RIMS2: variants seen among roughly 807,000 people sequenced by gnomAD.
The protein encoded by RIMS2 is regulating synaptic membrane exocytosis 2, also known as regulating synaptic membrane exocytosis protein 2.
A neutral mutation model predicts 174.4 loss-of-function variants in RIMS2; 59 were observed. The ratio of observed to expected loss-of-function variants is 0.34; its 90% confidence interval spans 0.27 to 0.42. The LOEUF is 0.42. Among genes scored for constraint, RIMS2 ranks in the 10% least tolerant of loss-of-function variants. The pLI, the probability that RIMS2 is intolerant of heterozygous loss-of-function variation, is 1.00. For missense variants in RIMS2, 1,620 were observed against 1,666.3 expected, an observed-to-expected ratio of 0.97 and a Z score of 0.48; for synonymous variants, 606 against 572.5, an observed-to-expected ratio of 1.06 and a Z score of -0.84.
intron 3 of RIMS2, among the ~76,000 whole-genome samples, chr8:103,792,249 G>C (rs200268395): frequency 6.6e-6 from 1 of 152,040 alleles, no homozygotes; most frequent in South Asian, 2.1e-4. Flanking sequence ...ATCAAATTAG[G>C]ACTCAGGATT....
intron 19 of RIMS2, among the ~76,000 whole-genome samples, chr8:104,102,431 A>T (rs2097920250): frequency 6.6e-6 from 1 of 152,132 alleles, no homozygotes; most frequent in South Asian, 2.1e-4. Context: ...AAATATGTTT[A>T]TTTCTCCATA....
chr8:103,812,482 A>G (rs766416780), intron 3 of RIMS2, among the ~76,000 whole-genome samples: 50 of 152,008 alleles, frequency 3.3e-4, no homozygotes, highest in Non-Finnish European at 6.9e-4. Flanking sequence ...CTTGGGTTCA[A>G]GCGATTCTCC....
intron 19 of RIMS2, among the ~76,000 whole-genome samples, chr8:104,040,270 G>A (rs538061511): frequency 1.3e-5 from 2 of 151,740 alleles, no homozygotes; most frequent in Admixed American, 6.6e-5. Context: ...TGTGGTGTTT[G>A]ATTTTAGAAT....
intron 12 of RIMS2, among the ~76,000 whole-genome samples, chr8:103,932,165 G>A (rs532783308): frequency 6.6e-6 from 1 of 152,130 alleles, no homozygotes; most frequent in Non-Finnish European, 1.5e-5. Flanking sequence ...TGCCTCCCAC[G>A]GCAGAGTGCT....
At chr8:103,902,185 G>C (rs1415652320) in intron 4 of RIMS2, among the ~76,000 whole-genome samples, 2 of 152,136 alleles carry the variant, frequency 1.3e-5, no homozygotes, top group African/African-American at 4.8e-5. Flanking sequence ...AAGGCTGTTA[G>C]TAGTTCCTAG....
chr8:104,167,481 G>C (rs2098804796), intron 19 of RIMS2, among the ~76,000 whole-genome samples: 1 of 151,880 alleles, frequency 6.6e-6, no homozygotes, highest in Non-Finnish European at 1.5e-5. Flanking sequence ...ATCCTTTTTT[G>C]ATAATTGTCT....
chr8:103,768,859 C>T (rs1327764787), intron 3 of RIMS2: 3 of 558,814 alleles, frequency 5.4e-6, no homozygotes, highest in South Asian at 1.8e-5. Context: ...CCATATTGCT[C>T]TGGAGAAGCA....
At chr8:103,611,197 T>C (rs2134194552) in intron 1 of RIMS2, among the ~76,000 whole-genome samples, 1 of 152,290 alleles carries the variant, frequency 6.6e-6, no homozygotes, top group East Asian at 1.9e-4. Context: ...TTACCCTTTG[T>C]CATTTCTAAT....
chr8:104,201,722 G>A (rs1056967466), intron 19 of RIMS2, among the ~76,000 whole-genome samples: 10 of 152,066 alleles, frequency 6.6e-5, no homozygotes, highest in East Asian at 1.9e-4. Flanking sequence ...AAATGGGTTC[G>A]GGGCATCTAT....
intron 19 of RIMS2, among the ~76,000 whole-genome samples, chr8:104,165,386 T>G (rs935649419): frequency 1.3e-5 from 2 of 152,208 alleles, no homozygotes; most frequent in African/African-American, 2.4e-5. Flanking sequence ...TTATTATTCC[T>G]TAGACCTACT....
At position 104,017,777 on chromosome 8, in the gene RIMS2, A is replaced by G. The variant is rs75406994; in HGVS notation, c.3334+3162A>G. 1.0e-3 allele frequency among the ~76,000 whole-genome samples: 157 copies of G among 152,282 alleles called. 2 individuals carry two copies. The East Asian group carries it at 0.028, about 27-fold the overall frequency. On this transcript the variant is annotated intron_variant, in intron 19 of 23. Transcript: ENST00000504942. Reference sequence around the variant, plus strand: ...GCATGTCAGAAACGTATCAAAAATAACCTATTGGGCCAGTTGCAGTGGCCC... The same window carrying G: ...GCATGTCAGAAACGTATCAAAAATAGCCTATTGGGCCAGTTGCAGTGGCCC...
intron 5 of RIMS2, among the ~76,000 whole-genome samples, chr8:103,910,742 G>A (rs1274155805): frequency 1.3e-5 from 2 of 151,934 alleles, no homozygotes; most frequent in African/African-American, 2.4e-5. Flanking sequence ...ATTGTTTGAC[G>A]GCATACCAAA....
At chr8:103,912,320 C>T (rs922199609) in intron 6 of RIMS2, 148 bp downstream of exon 9, 2 of 468,154 alleles carry the variant, frequency 4.3e-6, no homozygotes, top group Non-Finnish European at 7.3e-6. Context: ...TTATCTAAAA[C>T]ATTTCATTTT....
chr8:103,570,055 C>T (rs1156488002), intron 1 of RIMS2, among the ~76,000 whole-genome samples: 2 of 152,196 alleles, frequency 1.3e-5, no homozygotes, highest in Non-Finnish European at 2.9e-5. Flanking sequence ...TTTTAATCTA[C>T]TCAGTTCTTA....
chr8:104,034,794 T>G (rs1024683020), intron 19 of RIMS2, among the ~76,000 whole-genome samples: 1 of 152,072 alleles, frequency 6.6e-6, no homozygotes, highest in Non-Finnish European at 1.5e-5. Context: ...TTTACCTTAA[T>G]TGACATCAGT....
chr8:104,137,817 T>C (rs1353414539), intron 19 of RIMS2, among the ~76,000 whole-genome samples: 4 of 152,198 alleles, frequency 2.6e-5, no homozygotes, highest in African/African-American at 9.6e-5. Flanking sequence ...TAGTTATTTT[T>C]AAATGTATAA....
At position 103,716,327 on chromosome 8, in the gene RIMS2, G is replaced by A. The variant is rs1258908422; in HGVS notation, c.387+19031G>A. ...ACTCCAGGAGGACAAAGTGGTTAGA[G>A]TCTTTTTTTCTGTCTAATATTAGTT... On this transcript the variant is annotated intron_variant, in intron 2 of 23. Transcript: ENST00000504942. The A allele has an allele frequency of 6.6e-6, 1 of 151,936 alleles. No individual in the cohort carries two copies. The allele number at this position is 151,936 out of a possible 1,614,324, so 9.4% of individuals were successfully genotyped here.
intron 3 of RIMS2, among the ~76,000 whole-genome samples, chr8:103,834,945 A>AT (rs918432828): frequency 3.4e-5 from 5 of 148,702 alleles, no homozygotes; most frequent in African/African-American, 1.2e-4. Flanking sequence ...TAATTTTTGT[A>AT]TTTTTTGTAG....
chr8:103,697,957 A>G (rs1243385815), intron 2 of RIMS2, among the ~76,000 whole-genome samples: 1 of 149,960 alleles, frequency 6.7e-6, no homozygotes, highest in Non-Finnish European at 1.5e-5. Flanking sequence ...AGCCTGGGCA[A>G]CAGAGACTCT....
Sources: allele counts gnomAD v4.1 joint callset (sites outside exome capture counted in the v4.1 genomes callset), GRCh38; gene constraint gnomAD v4.1.1; transcripts MANE v1.5; gene names NCBI Gene and HGNC (gene_info 2026-07-23, HGNC 2026-07-21).